The following TMEM132D variants were observed in gnomAD, a reference collection of about 807,000 sequenced individuals.
TMEM132D encodes the protein transmembrane protein 132D, also known as mature OL transmembrane protein.
TMEM132D carries 21 observed loss-of-function variants against 62.3 expected under a neutral mutation model. That is an observed-to-expected ratio of 0.34 (90% CI 0.24 to 0.49). TMEM132D has a LOEUF of 0.49. TMEM132D is among the 20% of genes least tolerant of loss of function. TMEM132D has a pLI of 0.99. For missense variants in TMEM132D, 1,346 were observed against 1,402.8 expected, an observed-to-expected ratio of 0.96 and a Z score of 0.65; for synonymous variants, 621 against 575.6, an observed-to-expected ratio of 1.08 and a Z score of -1.13.
rs2135603572 is a variant in TMEM132D at position 129,074,544 on chromosome 12, G to C, written c.2631C>G (p.His877Gln). ...GQESLLDDNS[H>Q]LQTIPSDLTS... ...TGAGGTCGCTGGGGATGGTCTGCAA[G>C]TGGCTGTTGTCATCTAAAAGGCTTT... Residue 877 changes from histidine (H) to glutamine (Q), a missense_variant, in exon 9 of 9, where the codon CAC (histidine) becomes CAG (glutamine). By Grantham distance (24) the His-to-Gln change is conservative. Coordinates refer to ENST00000422113, the MANE Select transcript of TMEM132D (RefSeq NM_133448.3). The C allele has an allele frequency of 6.2e-7, 1 of 1,614,090 alleles. No individual in the cohort carries two copies. The highest frequency in any genetic ancestry group is 2.2e-5 in the East Asian group (1 of 44,848).
intron 2 of TMEM132D, among the ~76,000 whole-genome samples, chr12:129,582,110 C>T (rs771547681): frequency 2.6e-5 from 4 of 152,212 alleles, no homozygotes; most frequent in Non-Finnish European, 4.4e-5. Context: ...CTTGATGAAA[C>T]ACGTCTGCTT....
At chr12:129,247,923 T>C (rs1880165238) in intron 4 of TMEM132D, among the ~76,000 whole-genome samples, 1 of 151,806 alleles carries the variant, frequency 6.6e-6, no homozygotes, top group Non-Finnish European at 1.5e-5. Flanking sequence ...GAAACTCGGG[T>C]ACTTGGAAGG....
intron 3 of TMEM132D, among the ~76,000 whole-genome samples, chr12:129,357,317 AGGAG>A (rs140854104): frequency 0.084 from 12,487 of 148,846 alleles, 727 homozygotes; most frequent in African/African-American, 0.15. Context: ...GAAGAAAGGA[AGGAG>A]GGAAGGAAAG....
chr12:129,431,651 C>A (rs1385328574), intron 3 of TMEM132D, among the ~76,000 whole-genome samples: 4 of 152,178 alleles, frequency 2.6e-5, no homozygotes, highest in African/African-American at 4.8e-5. Flanking sequence ...TTGAGCCCAG[C>A]AATTTACCGT....
intron 1 of TMEM132D, among the ~76,000 whole-genome samples, chr12:129,714,698 AT>A: frequency 6.6e-6 from 1 of 152,352 alleles, no homozygotes; most frequent in East Asian, 1.9e-4. Context: ...AATATATACA[AT>A]TTTTATTTTA....
At chr12:129,266,331 C>G (rs1880694448) in intron 4 of TMEM132D, among the ~76,000 whole-genome samples, 1 of 152,014 alleles carries the variant, frequency 6.6e-6, no homozygotes, top group African/African-American at 2.4e-5. Flanking sequence ...TGGATCAGGA[C>G]TTGGCTCTTT....
At chr12:129,218,415 T>C (rs1276913521) in intron 4 of TMEM132D, among the ~76,000 whole-genome samples, 1 of 152,190 alleles carries the variant, frequency 6.6e-6, no homozygotes, top group African/African-American at 2.4e-5. Flanking sequence ...CGGCATAGCC[T>C]ATTGTTCCTG....
intron 3 of TMEM132D, among the ~76,000 whole-genome samples, chr12:129,512,780 TC>T (rs1875533969): frequency 6.6e-6 from 1 of 152,222 alleles, no homozygotes; most frequent in African/African-American, 2.4e-5. Flanking sequence ...TGTCCACATG[TC>T]ATGGCAGCTG....
At chr12:129,490,099 T>C (rs909527220) in intron 3 of TMEM132D, among the ~76,000 whole-genome samples, 2 of 152,238 alleles carry the variant, frequency 1.3e-5, no homozygotes, top group Admixed American at 6.5e-5. Flanking sequence ...TCACAGCTAA[T>C]GGACACACTG....
At chr12:129,327,512 C>G (rs930738533) in intron 4 of TMEM132D, among the ~76,000 whole-genome samples, 39 of 152,234 alleles carry the variant, frequency 2.6e-4, no homozygotes, top group African/African-American at 9.2e-4. Context: ...GGCCACCATA[C>G]TGGATGGCTT....
intron 1 of TMEM132D, among the ~76,000 whole-genome samples, chr12:129,870,962 A>G (rs533359027): frequency 1.3e-5 from 2 of 152,240 alleles, no homozygotes; most frequent in African/African-American, 4.8e-5. Flanking sequence ...TTGGTATCAG[A>G]GCTGACATTA....
intron 1 of TMEM132D, among the ~76,000 whole-genome samples, chr12:129,701,157 T>C (rs264462): frequency 0.96 from 146,294 of 152,256 alleles, 70,544 homozygotes; most frequent in East Asian, 1. Context: ...ACACATGGAT[T>C]GATGCCACGT....
At chr12:129,723,651 C>G (rs1056928310) in intron 1 of TMEM132D, among the ~76,000 whole-genome samples, 2 of 152,224 alleles carry the variant, frequency 1.3e-5, no homozygotes, top group Non-Finnish European at 2.9e-5. Context: ...CTTGTCCCGA[C>G]CCTTGCTCAC....
At chr12:129,104,569 G>T (rs1371947534) in intron 5 of TMEM132D, among the ~76,000 whole-genome samples, 1 of 152,040 alleles carries the variant, frequency 6.6e-6, no homozygotes, top group East Asian at 1.9e-4. Flanking sequence ...AAGAGCTTCT[G>T]CACAGCAAAA....
chr12:129,574,822 A>G (rs933411106), intron 2 of TMEM132D, among the ~76,000 whole-genome samples: 1 of 151,932 alleles, frequency 6.6e-6, no homozygotes, highest in East Asian at 1.9e-4. Context: ...ATGACAGGTG[A>G]TGCAATACAA....
chr12:129,885,442 G>T (rs956402056), intron 1 of TMEM132D, among the ~76,000 whole-genome samples: 1 of 152,152 alleles, frequency 6.6e-6, no homozygotes, highest in Non-Finnish European at 1.5e-5. Context: ...GAATCACTTT[G>T]GGAGCTTTGA....
intron 3 of TMEM132D, among the ~76,000 whole-genome samples, chr12:129,466,279 CTTTTTTT>C (rs551019541): frequency 1.0e-5 from 1 of 100,398 alleles, no homozygotes; most frequent in African/African-American, 3.8e-5. Context: ...TAGATTTTTC[CTTTTTTT>C]TTTTTTTTTT....
intron 1 of TMEM132D, among the ~76,000 whole-genome samples, chr12:129,891,809 G>A (rs1874933102): frequency 6.6e-6 from 1 of 152,164 alleles, no homozygotes. Context: ...AAATACTTAT[G>A]TAAACACATG....
intron 5 of TMEM132D, among the ~76,000 whole-genome samples, chr12:129,146,296 C>G (rs905622424): frequency 6.6e-6 from 1 of 152,142 alleles, no homozygotes; most frequent in Non-Finnish European, 1.5e-5. Flanking sequence ...CTGATTCTAC[C>G]TGCTAGATAT....
Sources: allele counts gnomAD v4.1 joint callset (sites outside exome capture counted in the v4.1 genomes callset), GRCh38; gene constraint gnomAD v4.1.1; transcripts MANE v1.5; gene names NCBI Gene and HGNC (gene_info 2026-07-23, HGNC 2026-07-21).